Variants in NINL observed in about 807,000 individuals in gnomAD.
NINL encodes ninein like, also known as ninein-like protein.
Under a neutral mutation model 160.3 loss-of-function variants are expected in NINL, and 153 were observed. The ratio of observed to expected loss-of-function variants is 0.95; its 90% confidence interval spans 0.84 to 1.09. The LOEUF is 1.09. NINL is among the 50% of genes least tolerant of loss of function. The pLI is 0.00. For missense variants in NINL, 1,829 were observed against 1,764.0 expected (o/e 1.04, Z -0.66); for synonymous variants, 800 against 734.8 (o/e 1.09, Z -1.43).
At chr20:25,531,032 AC>A (rs1383640833) in intron 1 of NINL, among the ~76,000 whole-genome samples, 1 of 152,168 alleles carries the variant, frequency 6.6e-6, no homozygotes, top group East Asian at 1.9e-4. Context: ...CAGCTCAGCC[AC>A]AAAAGACGGC....
intron 1 of NINL, among the ~76,000 whole-genome samples, chr20:25,567,319 T>C (rs188031412): frequency 2.6e-5 from 4 of 152,236 alleles, no homozygotes; most frequent in Non-Finnish European, 5.9e-5. Flanking sequence ...ACATGCATAA[T>C]GGGAACATTA....
chr20:25,563,895 C>T (rs943416992), intron 1 of NINL, among the ~76,000 whole-genome samples: 1 of 152,154 alleles, frequency 6.6e-6, no homozygotes, highest in African/African-American at 2.4e-5. Context: ...AGAAACAAAT[C>T]ATTAGATCAA....
intron 1 of NINL, among the ~76,000 whole-genome samples, chr20:25,576,937 T>TGGCTGGTCTTGAACTATGCA (rs2065122473): frequency 6.6e-6 from 1 of 152,268 alleles, no homozygotes; most frequent in Non-Finnish European, 1.5e-5. Context: ...GAGCAAGGCC[T>TGGCTGGTCTTGAACTATGCA]GGCTGGTCTT....
At chr20:25,503,487 C>A (rs538159251) in intron 7 of NINL, among the ~76,000 whole-genome samples, 1,569 of 147,184 alleles carry the variant, frequency 0.011, 9 homozygotes, top group African/African-American at 0.035. Context: ...CTCCTGTAAC[C>A]CCAGGAGGTG....
At chr20:25,499,315 T>C in intron 8 of NINL, 1 of 847,746 alleles carries the variant, frequency 1.2e-6, no homozygotes. Context: ...AAATGCTGAC[T>C]GAGTTGCAAG....
Position 25,476,539 on chromosome 20 carries a change from T to C in NINL, c.2752A>G (p.Ile918Val). 6.2e-7 allele frequency: 1 copy of C among 1,600,386 alleles called. No homozygotes were observed. Among genetic ancestry groups the C allele is most frequent in the Non-Finnish European group, 8.5e-7 (1 of 1,179,826 alleles). The change falls in exon 17 of 24, where the codon ATT becomes GTT. Residue 918 changes from isoleucine to valine, a missense_variant. Ile to Val is a conservative substitution (Grantham distance 29). Transcript: ENST00000278886. ...RMQPCGVDGDIVPKEPEPFGA... is the reference protein window; with the variant it reads ...RMQPCGVDGDVVPKEPEPFGA... The stretch of plus-strand genomic sequence containing the variant: ...AAAGGCTCTGGCTCCTTTGGGACAA[T>C]ATCCCCATCCACTCCACAGGGCTGC...
intron 1 of NINL, among the ~76,000 whole-genome samples, chr20:25,537,378 G>C (rs1424467342): frequency 6.6e-6 from 1 of 152,146 alleles, no homozygotes; most frequent in African/African-American, 2.4e-5. Flanking sequence ...CCACCACATC[G>C]GCCTGAATGT....
At chr20:25,473,915 C>T (rs2063170655) in intron 17 of NINL, among the ~76,000 whole-genome samples, 1 of 152,024 alleles carries the variant, frequency 6.6e-6, no homozygotes. Flanking sequence ...GAAAGAAATG[C>T]ACACAGCAAA....
At position 25,504,107 on chromosome 20, in the gene NINL, A is replaced by G; in HGVS notation, c.709-3T>C. The G allele has an allele frequency of 1.9e-6, 3 of 1,561,540 alleles. No homozygotes were observed. The highest frequency in any genetic ancestry group is 2.6e-6 in the Non-Finnish European group (3 of 1,154,882). On this transcript the variant is annotated splice_region_variant and splice_polypyrimidine_tract_variant and intron_variant, in intron 6 of 23. Coordinates refer to ENST00000278886, the MANE Select transcript of NINL (RefSeq NM_025176.6). ...TTGTTAAACAGGTCTTCGAGTTCCT[A>G]AACAAAAGCCGTCATATCTCAGGCC...
At chr20:25,543,906 C>T (rs1342572046) in intron 1 of NINL, among the ~76,000 whole-genome samples, 5 of 149,862 alleles carry the variant, frequency 3.3e-5, no homozygotes, top group South Asian at 2.1e-4. Flanking sequence ...GCCCTTGAGG[C>T]GCTGCCTCCC....
intron 10 of NINL, 102 bp downstream of exon 10, chr20:25,496,559 CCA>C: frequency 7.1e-7 from 1 of 1,417,952 alleles, no homozygotes; most frequent in Non-Finnish European, 9.6e-7. Context: ...CTCCACTGAG[CCA>C]CACCCGCAGC....
intron 19 of NINL, among the ~76,000 whole-genome samples, chr20:25,465,598 T>C (rs2062893845): frequency 6.6e-6 from 1 of 152,080 alleles, no homozygotes; most frequent in Admixed American, 6.6e-5. Flanking sequence ...ACTCCAACCC[T>C]GGCCATTAGG....
chr20:25,580,420 C>T (rs1480271192), intron 1 of NINL, among the ~76,000 whole-genome samples: 2 of 152,096 alleles, frequency 1.3e-5, no homozygotes, highest in African/African-American at 4.8e-5. Context: ...TAGAGGTTCT[C>T]AAACTTGATT....
At chr20:25,505,915 T>C (rs914626577) in intron 5 of NINL, among the ~76,000 whole-genome samples, 2 of 152,176 alleles carry the variant, frequency 1.3e-5, no homozygotes, top group African/African-American at 4.8e-5. Context: ...CTGCCTGTAA[T>C]GGGGAAAATT....
At chr20:25,578,175 T>C (rs941709575) in intron 1 of NINL, among the ~76,000 whole-genome samples, 1 of 151,400 alleles carries the variant, frequency 6.6e-6, no homozygotes, top group Non-Finnish European at 1.5e-5. Flanking sequence ...TAGCGCAATC[T>C]TGGCTCACTG....
chr20:25,467,728 A>G (rs2062953441), intron 18 of NINL, among the ~76,000 whole-genome samples: 2 of 152,188 alleles, frequency 1.3e-5, no homozygotes, highest in East Asian at 1.9e-4. Context: ...AGTAATCTAC[A>G]CTGCCAGCAC....
intron 18 of NINL, 90 bp from the exon 19 acceptor site, chr20:25,467,548 G>A: frequency 1.0e-6 from 1 of 994,542 alleles, no homozygotes. Flanking sequence ...AGCAGCATGG[G>A]GGTTTGTAGC....
At chr20:25,485,213 G>A (rs1274343575) in intron 13 of NINL, among the ~76,000 whole-genome samples, 2 of 152,174 alleles carry the variant, frequency 1.3e-5, no homozygotes, top group Non-Finnish European at 2.9e-5. Context: ...ATGTTGCTTC[G>A]ATGGCAGTTC....
Position 25,526,544 on chromosome 20 carries a change from A to G in NINL, c.44T>C (p.Val15Ala), listed in dbSNP as rs2064364154. The G allele has an allele frequency of 1.9e-6, 3 of 1,614,194 alleles. No individual in the cohort carries two copies. The highest frequency in any genetic ancestry group is 1.1e-5 in the South Asian group (1 of 91,078). ...CCCCGTGGTGTCGCAGCTGCTGTAGACTTCCCTGAGCTGCGAGACATAGTG... is the reference window on the plus strand; with the variant it reads ...CCCCGTGGTGTCGCAGCTGCTGTAGGCTTCCCTGAGCTGCGAGACATAGTG... ...ENHYVSQLREVYSSCDTTGTG... is the reference protein window; with the variant it reads ...ENHYVSQLREAYSSCDTTGTG... Residue 15 changes from valine to alanine, a missense_variant, in exon 2 of 24, where the codon GTC becomes GCC. By Grantham distance (64) the Val-to-Ala change is moderately conservative. Coordinates refer to ENST00000278886, the MANE Select transcript of NINL (RefSeq NM_025176.6).
Sources: allele counts gnomAD v4.1 joint callset (sites outside exome capture counted in the v4.1 genomes callset), GRCh38; gene constraint gnomAD v4.1.1; transcripts MANE v1.5; gene names NCBI Gene and HGNC (gene_info 2026-07-23, HGNC 2026-07-21).